The following ZNF138 variants were observed in gnomAD, a reference collection of about 807,000 sequenced individuals.
The protein encoded by ZNF138 is zinc finger protein 138 (clone pHZ-32).
In ZNF138, 33 loss-of-function variants were observed where a neutral mutation model predicts 33.0. The observed-to-expected ratio is 1.00, with a 90% CI of 0.76 to 1.34. ZNF138 has a LOEUF of 1.34. ZNF138 is among the 40% of genes most tolerant of loss of function. The probability of loss-of-function intolerance (pLI) is 0.00; values close to 1 mark genes in which losing one functional copy is unlikely to be tolerated. For synonymous variants in ZNF138, 139 were observed against 120.4 expected (o/e 1.15, Z -1.01); for missense variants, 360 against 370.8 (o/e 0.97, Z 0.24).
At chr7:64,835,041 C>G (rs1790322103), downstream of ZNF138, among the ~76,000 whole-genome samples, 1 of 152,044 alleles carries the variant, frequency 6.6e-6, no homozygotes, top group African/African-American at 2.4e-5. Flanking sequence ...GTGCAGCGCG[C>G]TTTTATGGAT....
intron 1 of ZNF138, among the ~76,000 whole-genome samples, chr7:64,812,099 A>T (rs997022073): frequency 2.1e-5 from 3 of 140,438 alleles, no homozygotes; most frequent in Non-Finnish European, 4.6e-5. Flanking sequence ...TCCTCCTGTG[A>T]CTCTCAGGTG....
the ZNF138 span, among the ~76,000 whole-genome samples, chr7:64,846,455 T>A: frequency 1.3e-5 from 2 of 152,330 alleles, no homozygotes; most frequent in Non-Finnish European, 2.9e-5. Flanking sequence ...TGTTTTGTAG[T>A]TTTCCTTGTA....
intron 1 of ZNF138, among the ~76,000 whole-genome samples, chr7:64,806,086 T>C (rs902050769): frequency 1.3e-5 from 2 of 152,196 alleles, no homozygotes; most frequent in Non-Finnish European, 1.5e-5. Flanking sequence ...CTCTTTTCTT[T>C]TAATTATATT....
chr7:64,859,796 A>G, the ZNF138 span, among the ~76,000 whole-genome samples: 2 of 152,200 alleles, frequency 1.3e-5, no homozygotes, highest in Non-Finnish European at 2.9e-5. Context: ...TCTGTCTTCT[A>G]TAATTAATCT....
chr7:64,845,384 A>T, the ZNF138 span, among the ~76,000 whole-genome samples: 1 of 152,238 alleles, frequency 6.6e-6, no homozygotes, highest in Admixed American at 6.5e-5. Context: ...TCTGCTATAA[A>T]CATACATGTG....
chr7:64,800,877 T>C (rs1303139748), intron 1 of ZNF138, among the ~76,000 whole-genome samples: 1 of 152,184 alleles, frequency 6.6e-6, no homozygotes, highest in Non-Finnish European at 1.5e-5. Flanking sequence ...TATTGTTCTA[T>C]TCAGAGATTC....
At chr7:64,816,960 T>C (rs1788687333) in intron 3 of ZNF138, among the ~76,000 whole-genome samples, 1 of 152,222 alleles carries the variant, frequency 6.6e-6, no homozygotes, top group Non-Finnish European at 1.5e-5. Flanking sequence ...GCTGTTGTAA[T>C]TCCCATTTTA....
rs185811325 is a variant in ZNF138 at position 64,833,212 on chromosome 7, T to C, written c.*1010T>C. The stretch of plus-strand genomic sequence containing the variant: ...TCTTTAACAAGTCTTCAACCCTTTC[T>C]GCACATAATATAATTCATACTGGAG... On this transcript the variant is annotated 3_prime_UTR_variant, in exon 4 of 4. Coordinates refer to ENST00000307355, the MANE Select transcript of ZNF138 (RefSeq NM_001271639.2). 3.6e-4 allele frequency: 85 copies of C among 234,788 alleles called. No homozygotes were observed. The highest frequency in any genetic ancestry group is 1.8e-3 in the African/African-American group (78 of 44,046). The allele number at this position is 234,788 out of a possible 1,614,324, so 14.5% of individuals were successfully genotyped here.
At chr7:64,829,364 T>A (rs1468499575) in intron 3 of ZNF138, among the ~76,000 whole-genome samples, 2 of 151,608 alleles carry the variant, frequency 1.3e-5, no homozygotes, top group Non-Finnish European at 2.9e-5. Context: ...TTTACATATT[T>A]GGAAACTTAA....
downstream of ZNF138, among the ~76,000 whole-genome samples, chr7:64,834,763 A>G (rs1488985646): frequency 6.6e-6 from 1 of 152,172 alleles, no homozygotes; most frequent in Non-Finnish European, 1.5e-5. Context: ...AATTTATAAT[A>G]TTGAGTGATG....
downstream of ZNF138, chr7:64,836,727 G>C (rs1194750800): frequency 6.6e-6 from 1 of 152,212 alleles, no homozygotes; most frequent in Non-Finnish European, 1.5e-5. Flanking sequence ...AGCTGGTATT[G>C]CATTTGGAGT....
At chr7:64,806,363 T>C (rs549543864) in intron 1 of ZNF138, among the ~76,000 whole-genome samples, 48 of 152,324 alleles carry the variant, frequency 3.2e-4, no homozygotes, top group Non-Finnish European at 5.1e-4. Context: ...AATGACTCTT[T>C]AGACCAGAAA....
At chr7:64,825,772 G>T (rs1162152261) in intron 3 of ZNF138, among the ~76,000 whole-genome samples, 1 of 150,650 alleles carries the variant, frequency 6.6e-6, no homozygotes, top group African/African-American at 2.4e-5. Context: ...CTCCTGACCT[G>T]GTGATCTGCC....
At chr7:64,819,635 C>T (rs1297465142) in intron 3 of ZNF138, among the ~76,000 whole-genome samples, 2 of 152,096 alleles carry the variant, frequency 1.3e-5, no homozygotes, top group African/African-American at 2.4e-5. Context: ...TCCCAAAGTG[C>T]TAGGATTACA....
In ZNF138 at chr7:64,798,636, G is replaced by A. The variant is rs1298423615; in HGVS notation, c.3+4065G>A. On this transcript the variant is annotated intron_variant, in intron 1 of 3. Coordinates refer to ENST00000307355, the MANE Select transcript of ZNF138 (RefSeq NM_001271639.2). ...GAGAAACCCTACAAAAAAAATAGTC[G>A]GACATGGTGGCCCATGCCTGTAATC... Among the ~76,000 whole-genome samples the A allele has an allele frequency of 9.2e-5, 14 of 152,142 alleles. No individual in the cohort carries two copies. The East Asian group carries it at 2.5e-3, about 27-fold the overall frequency.
chr7:64,834,435 A>T (rs536807805), downstream of ZNF138, among the ~76,000 whole-genome samples: 12 of 152,230 alleles, frequency 7.9e-5, no homozygotes, highest in Non-Finnish European at 1.5e-4. Context: ...TGGGTAGATA[A>T]ATTATTTGTA....
intron 3 of ZNF138, among the ~76,000 whole-genome samples, chr7:64,825,039 A>AG (rs1339527517): frequency 6.7e-6 from 1 of 149,940 alleles, no homozygotes; most frequent in Admixed American, 6.7e-5. Flanking sequence ...TAGTAGAGAT[A>AG]GGGTTTTACC....
chr7:64,846,432 T>C, the ZNF138 span, among the ~76,000 whole-genome samples: 6 of 152,222 alleles, frequency 3.9e-5, no homozygotes, highest in Non-Finnish European at 8.8e-5. Flanking sequence ...TCGTGTATGA[T>C]TTCTTTCAGT....
chr7:64,829,756 T>C (rs879046781), intron 3 of ZNF138, among the ~76,000 whole-genome samples: 1 of 151,940 alleles, frequency 6.6e-6, no homozygotes, highest in South Asian at 2.1e-4. Flanking sequence ...TGCACTATTA[T>C]GATAATGCTA....
Sources: gnomAD v4.1 joint callset for allele counts (sites outside exome capture counted in the v4.1 genomes callset) on GRCh38, gnomAD v4.1.1 for gene constraint, MANE v1.5 for transcripts, NCBI Gene and HGNC (gene_info 2026-07-23, HGNC 2026-07-21) for gene names.